MKRN2OS: variants seen among roughly 807,000 people sequenced by gnomAD.
MKRN2OS encodes MKRN2 opposite strand, also known as MKRN2 opposite strand protein.
A neutral mutation model predicts 18.2 loss-of-function variants in MKRN2OS; 17 were observed. The ratio of observed to expected loss-of-function variants is 0.93; its 90% confidence interval spans 0.64 to 1.40. The LOEUF (loss-of-function observed/expected upper bound fraction) is 1.40. MKRN2OS is among the 40% of genes most tolerant of loss of function. The pLI is 0.00. For missense variants in MKRN2OS, 337 were observed against 283.0 expected, an observed-to-expected ratio of 1.19 and a Z score of -1.37; for synonymous variants, 121 against 108.5, an observed-to-expected ratio of 1.12 and a Z score of -0.72.
upstream of MKRN2OS, among the ~76,000 whole-genome samples, chr3:12,547,199 C>T (rs567599835): frequency 3.3e-4 from 50 of 152,214 alleles, no homozygotes; most frequent in African/African-American, 1.1e-3. Flanking sequence ...ACATTTCCAC[C>T]CACCATATTC....
At chr3:12,542,225 A>G (rs1575502657) in intron 2 of MKRN2OS, among the ~76,000 whole-genome samples, 1 of 152,206 alleles carries the variant, frequency 6.6e-6, no homozygotes, top group Non-Finnish European at 1.5e-5. Flanking sequence ...CCCTGTTATC[A>G]GCAATCATTT....
At chr3:12,558,142 A>G (rs950615104) in intron 1 of MKRN2OS, among the ~76,000 whole-genome samples, 2 of 152,214 alleles carry the variant, frequency 1.3e-5, no homozygotes, top group African/African-American at 2.4e-5. Flanking sequence ...TTTATTTTCT[A>G]TGTTGTTACT....
chr3:12,548,126 A>G (rs896638057), upstream of MKRN2OS, among the ~76,000 whole-genome samples: 7 of 152,146 alleles, frequency 4.6e-5, no homozygotes, highest in African/African-American at 1.7e-4. Context: ...CCTGACCAAT[A>G]TGGTGAAACC....
rs1411824020 is a variant in MKRN2OS, at chr3:12,539,874, C to T, written c.*319G>A. ...GATCTCAACTCATCCCAACCTCCGC[C>T]TCCCGGGTTCAAGCGATTCTCCTGC... On this transcript the variant is annotated 3_prime_UTR_variant, in exon 4 of 4. Transcript: ENST00000564146. 1 of 310,982 alleles carries T rather than the reference C, an allele frequency of 3.2e-6. No homozygotes were observed. The highest frequency in any genetic ancestry group is 6.2e-6 in the Non-Finnish European group (1 of 160,458). 19.3% of individuals were successfully genotyped at this position (310,982 alleles called of 1,614,324 possible).
chr3:12,558,511 T>C (rs983417319), intron 1 of MKRN2OS, among the ~76,000 whole-genome samples: 2 of 152,196 alleles, frequency 1.3e-5, no homozygotes, highest in Non-Finnish European at 2.9e-5. Context: ...GTACCTCATC[T>C]AAGAAGTGTC....
At chr3:12,542,722 A>C (rs1465705037) in intron 2 of MKRN2OS, among the ~76,000 whole-genome samples, 2 of 131,758 alleles carry the variant, frequency 1.5e-5, no homozygotes, top group East Asian at 2.0e-4. Flanking sequence ...AAAAAAAAAA[A>C]AAAAAAAAAA....
chr3:12,556,389 A>C (rs1216293593), intron 1 of MKRN2OS, among the ~76,000 whole-genome samples: 1 of 152,070 alleles, frequency 6.6e-6, no homozygotes, highest in African/African-American at 2.4e-5. Context: ...ATTAAAAAAA[A>C]AGGTATCGCA....
downstream of MKRN2OS, among the ~76,000 whole-genome samples, chr3:12,553,085 T>G (rs1425510938): frequency 3.3e-5 from 5 of 151,272 alleles, no homozygotes; most frequent in Admixed American, 2.0e-4. Flanking sequence ...CCATGGTAAA[T>G]TCTTCCAGAT....
At chr3:12,547,498 C>T (rs569434627), upstream of MKRN2OS, among the ~76,000 whole-genome samples, 2 of 152,254 alleles carry the variant, frequency 1.3e-5, no homozygotes, top group Admixed American at 6.5e-5. Flanking sequence ...GAGCCATTAT[C>T]ACACCACTGT....
downstream of MKRN2OS, among the ~76,000 whole-genome samples, chr3:12,553,544 C>T (rs1324010054): frequency 1.3e-5 from 2 of 151,846 alleles, no homozygotes; most frequent in Non-Finnish European, 2.9e-5. Flanking sequence ...CTAGGGCTAA[C>T]ATTTTAATTA....
downstream of MKRN2OS, among the ~76,000 whole-genome samples, chr3:12,551,698 G>A (rs2057930846): frequency 1.3e-5 from 2 of 152,118 alleles, no homozygotes; most frequent in African/African-American, 4.8e-5. Context: ...CACTTTGGGA[G>A]GCCAAGTTGG....
chr3:12,545,901 G>T (rs1395817912), upstream of MKRN2OS, among the ~76,000 whole-genome samples: 3 of 152,106 alleles, frequency 2.0e-5, no homozygotes, highest in Non-Finnish European at 4.4e-5. Context: ...CCACCCTCAG[G>T]TTCAAGTGAT....
intron 1 of MKRN2OS, among the ~76,000 whole-genome samples, chr3:12,555,805 C>T (rs1400507710): frequency 6.6e-6 from 1 of 152,186 alleles, no homozygotes; most frequent in Admixed American, 6.5e-5. Context: ...AAGGATCCTT[C>T]CGGCTCAACC....
At chr3:12,557,017 A>G in intron 1 of MKRN2OS, 2 of 999,022 alleles carry the variant, frequency 2.0e-6, no homozygotes, top group Non-Finnish European at 2.6e-6. Flanking sequence ...AAGGTGCCAC[A>G]CCGGAGGGGC....
At position 12,541,912 on chromosome 3, in the gene MKRN2OS, A is replaced by G. The variant is rs1388151766; in HGVS notation, c.379T>C (p.Trp127Arg). The change falls in exon 3 of 4, where the codon TGG becomes CGG. Residue 127 changes from tryptophan to arginine, a missense_variant. Trp to Arg is a moderately radical substitution (Grantham distance 101). Coordinates refer to ENST00000564146, the MANE Select transcript of MKRN2OS (RefSeq NM_001195279.2). ...GAGAAGTCTTCCAGGTACTTGTCCC[A>G]TTGCTCCATCATTCCATACATGTTG... is the stretch of plus-strand genomic sequence containing the variant. ...QPNMYGMMEQ[W>R]DKYLEDFSTS... 3 of 1,536,036 alleles carry G rather than the reference A, an allele frequency of 2.0e-6. No individual in the cohort carries two copies. The highest frequency in any genetic ancestry group is 1.2e-5 in the South Asian group (1 of 84,046).
Position 12,545,282 on chromosome 3 carries a change from T to C in MKRN2OS, c.183A>G (p.Ser61=). Residue 61 remains serine (S), a synonymous_variant, in exon 1 of 4, where the codon TCA becomes TCG. Transcript: ENST00000564146. The part of the protein sequence containing the change: ...PFTNGHQEKC[S]FLLRPTQGTF... ...TCCCCTGAGTTGGTCTGAGGAGGAA[T>C]GAACATTTTTCTTGATGTCCATTAG... 3.3e-6 allele frequency: 5 copies of C among 1,536,044 alleles called. No homozygotes were observed. The highest frequency in any genetic ancestry group is 4.4e-6 in the Non-Finnish European group (5 of 1,146,840).
At chr3:12,551,752 A>G (rs1334677217), downstream of MKRN2OS, among the ~76,000 whole-genome samples, 1 of 151,950 alleles carries the variant, frequency 6.6e-6, no homozygotes, top group Non-Finnish European at 1.5e-5. Context: ...CCTGGCCAAT[A>G]TGGTGAAACC....
intron 3 of MKRN2OS, 67 bp downstream of exon 3, chr3:12,541,792 GC>G: frequency 6.8e-7 from 1 of 1,463,496 alleles, no homozygotes; most frequent in Non-Finnish European, 9.1e-7. Flanking sequence ...GTGAGCTGAG[GC>G]TACACGGGGA....
chr3:12,541,193 G>C (rs1302393846), intron 3 of MKRN2OS, among the ~76,000 whole-genome samples: 1 of 147,896 alleles, frequency 6.8e-6, no homozygotes, highest in East Asian at 2.0e-4. Flanking sequence ...TTACAAAAAA[G>C]AAGCTTTTAC....
Sources: gnomAD v4.1 joint callset for allele counts (sites outside exome capture counted in the v4.1 genomes callset) on GRCh38, gnomAD v4.1.1 for gene constraint, MANE v1.5 for transcripts, NCBI Gene and HGNC (gene_info 2026-07-23, HGNC 2026-07-21) for gene names.